Variants in AUTS2 observed in about 807,000 individuals in gnomAD.
The protein encoded by AUTS2 is activator of transcription and developmental regulator AUTS2.
In AUTS2, 17 loss-of-function variants were observed where a neutral mutation model predicts 112.4. The ratio of observed to expected loss-of-function variants is 0.15; its 90% CI spans 0.10 to 0.23. AUTS2 has a LOEUF of 0.23. Among genes scored for constraint, AUTS2 ranks in the 10% least tolerant of loss-of-function variants. The pLI is 1.00. For missense variants in AUTS2, 1,510 were observed against 1,701.6 expected, an observed-to-expected ratio of 0.89 and a Z score of 1.98; for synonymous variants, 751 against 702.7, an observed-to-expected ratio of 1.07 and a Z score of -1.09.
intron 2 of AUTS2, among the ~76,000 whole-genome samples, chr7:69,919,858 C>A (rs987125453): frequency 6.6e-6 from 1 of 152,090 alleles, no homozygotes; most frequent in African/African-American, 2.4e-5. Context: ...GTATGTGATA[C>A]CTACAAAGAA....
At chr7:70,504,120 G>A (rs1798874221) in intron 5 of AUTS2, among the ~76,000 whole-genome samples, 1 of 149,992 alleles carries the variant, frequency 6.7e-6, no homozygotes. Context: ...CTGTCGTCTT[G>A]CAGGCTACTG....
chr7:70,156,097 A>G (rs968077929), intron 4 of AUTS2, among the ~76,000 whole-genome samples: 1 of 152,200 alleles, frequency 6.6e-6, no homozygotes, highest in Admixed American at 6.5e-5. Flanking sequence ...TTACAAAAGA[A>G]TGAACACAAG....
intron 4 of AUTS2, among the ~76,000 whole-genome samples, chr7:70,369,531 C>T (rs940283562): frequency 6.6e-6 from 1 of 152,116 alleles, no homozygotes; most frequent in African/African-American, 2.4e-5. Context: ...GTGATGGTAT[C>T]ATTCAAGGGC....
At chr7:69,948,838 T>G (rs1206522108) in intron 2 of AUTS2, among the ~76,000 whole-genome samples, 1 of 151,882 alleles carries the variant, frequency 6.6e-6, no homozygotes, top group East Asian at 1.9e-4. Context: ...AGAGTTTCAC[T>G]CTTGTCACCC....
chr7:70,326,646 T>A (rs1297484060), intron 4 of AUTS2, among the ~76,000 whole-genome samples: 2 of 152,182 alleles, frequency 1.3e-5, no homozygotes, highest in Non-Finnish European at 2.9e-5. Context: ...GTCTTTCTAA[T>A]TTACTTGAAC....
chr7:70,117,108 T>TG (rs751587795), intron 2 of AUTS2, among the ~76,000 whole-genome samples: 16,368 of 113,526 alleles, frequency 0.14, 1,429 homozygotes, highest in Middle Eastern at 0.22. Flanking sequence ...ACTTTTGTTT[T>TG]TTTTTTTTGT....
chr7:69,652,670 A>G (rs916805922), intron 1 of AUTS2, among the ~76,000 whole-genome samples: 1 of 152,056 alleles, frequency 6.6e-6, no homozygotes, highest in African/African-American at 2.4e-5. Context: ...TGGACCTGCA[A>G]AGTTTTACAA....
intron 6 of AUTS2, among the ~76,000 whole-genome samples, chr7:70,755,462 T>A (rs948043212): frequency 2.6e-5 from 4 of 151,822 alleles, no homozygotes; most frequent in Non-Finnish European, 5.9e-5. Flanking sequence ...AGGTCAGGAG[T>A]TCGAGACCAG....
At chr7:70,739,760 G>A (rs577285780) in intron 6 of AUTS2, among the ~76,000 whole-genome samples, 9 of 147,992 alleles carry the variant, frequency 6.1e-5, no homozygotes, top group South Asian at 2.1e-4. Flanking sequence ...TCCCTGAGAC[G>A]CCTTTCAAGG....
At chr7:69,796,101 T>C (rs996145085) in intron 1 of AUTS2, among the ~76,000 whole-genome samples, 1 of 152,196 alleles carries the variant, frequency 6.6e-6, no homozygotes, top group Non-Finnish European at 1.5e-5. Flanking sequence ...TCTGGATGTT[T>C]TTCACATTCC....
intron 4 of AUTS2, among the ~76,000 whole-genome samples, chr7:70,266,324 G>C (rs1787420425): frequency 6.6e-6 from 1 of 152,170 alleles, no homozygotes; most frequent in South Asian, 2.1e-4. Context: ...AGTACATTTA[G>C]ATATGAAATA....
intron 4 of AUTS2, among the ~76,000 whole-genome samples, chr7:70,251,526 T>C (rs1357491324): frequency 2.0e-5 from 3 of 152,162 alleles, no homozygotes; most frequent in African/African-American, 7.2e-5. Context: ...TTTTGGAAAA[T>C]TGTCTATTCA....
At chr7:70,037,875 G>A (rs1310019967) in intron 2 of AUTS2, among the ~76,000 whole-genome samples, 1 of 152,020 alleles carries the variant, frequency 6.6e-6, no homozygotes, top group Non-Finnish European at 1.5e-5. Flanking sequence ...CAGATATTAA[G>A]CACCTAATAA....
chr7:69,939,140 T>C (rs1205239231), intron 2 of AUTS2, among the ~76,000 whole-genome samples: 2 of 152,224 alleles, frequency 1.3e-5, no homozygotes, highest in African/African-American at 4.8e-5. Flanking sequence ...TCAACTTTCT[T>C]ACCTATAAAT....
chr7:70,646,197 C>T (rs1388027381), intron 5 of AUTS2, among the ~76,000 whole-genome samples: 2 of 152,224 alleles, frequency 1.3e-5, no homozygotes, highest in African/African-American at 4.8e-5. Flanking sequence ...CTCAGTGCGA[C>T]TCCTGCCTGA....
At chr7:69,940,726 G>T (rs940997898) in intron 2 of AUTS2, among the ~76,000 whole-genome samples, 1 of 152,224 alleles carries the variant, frequency 6.6e-6, no homozygotes, top group Non-Finnish European at 1.5e-5. Flanking sequence ...GGACAAGAGT[G>T]CAGTCAGGCA....
intron 1 of AUTS2, among the ~76,000 whole-genome samples, chr7:69,755,952 G>A (rs1787929149): frequency 6.6e-6 from 1 of 152,190 alleles, no homozygotes; most frequent in African/African-American, 2.4e-5. Context: ...TGGATGCCAT[G>A]CACCATCATG....
chr7:70,274,378 T>C (rs1307011346), intron 4 of AUTS2, among the ~76,000 whole-genome samples: 1 of 152,124 alleles, frequency 6.6e-6, no homozygotes, highest in African/African-American at 2.4e-5. Flanking sequence ...TACTGCAGTC[T>C]AAACCTCCCT....
chr7:69,803,496 A>G (rs1790173346), intron 1 of AUTS2, among the ~76,000 whole-genome samples: 1 of 149,536 alleles, frequency 6.7e-6, no homozygotes, highest in Non-Finnish European at 1.5e-5. Context: ...CACCAAATAA[A>G]AGTCCTTGCA....
Sources: gnomAD v4.1 joint callset for allele counts (sites outside exome capture counted in the v4.1 genomes callset) on GRCh38, gnomAD v4.1.1 for gene constraint, MANE v1.5 for transcripts, NCBI Gene and HGNC (gene_info 2026-07-23, HGNC 2026-07-21) for gene names.